RBFOX3: variants seen among roughly 807,000 people sequenced by gnomAD.
RBFOX3 encodes the protein RNA binding fox-1 homolog 3, also known as RNA binding protein fox-1 homolog 3.
RBFOX3 carries 17 observed loss-of-function variants against 48.7 expected under a neutral mutation model. The observed-to-expected ratio is 0.35, with a 90% CI of 0.24 to 0.52. RBFOX3 has a LOEUF of 0.52. Ranked by LOEUF, RBFOX3 falls within the 20% of genes least tolerant of loss-of-function variation. RBFOX3 has a pLI of 0.94. For missense variants in RBFOX3, 382 were observed against 497.5 expected, an observed-to-expected ratio of 0.77 and a Z score of 2.21; for synonymous variants, 212 against 209.5, an observed-to-expected ratio of 1.01 and a Z score of -0.10.
At chr17:79,375,195 T>C (rs2059068771) in intron 2 of RBFOX3, among the ~76,000 whole-genome samples, 1 of 152,154 alleles carries the variant, frequency 6.6e-6, no homozygotes, top group Admixed American at 6.5e-5. Flanking sequence ...TCCAGGAGAT[T>C]CCAGAGAAGA....
chr17:79,177,689 G>A (rs922617928), intron 4 of RBFOX3, among the ~76,000 whole-genome samples: 8 of 152,194 alleles, frequency 5.3e-5, no homozygotes, highest in African/African-American at 1.7e-4. Context: ...AGGTGGACCC[G>A]CTTCCTAGAC....
intron 2 of RBFOX3, among the ~76,000 whole-genome samples, chr17:79,332,874 CAG>C (rs2080590719): frequency 7.7e-6 from 1 of 130,174 alleles, no homozygotes; most frequent in African/African-American, 2.9e-5. Flanking sequence ...GACAGAAAAA[CAG>C]AGATGGGGAG....
At position 79,096,614 on chromosome 17, in the gene RBFOX3, G is replaced by C. The variant is rs1408814707; in HGVS notation, c.936+39C>G. On this transcript the variant is annotated intron_variant, in intron 12 of 14. Coordinates refer to ENST00000693108, the MANE Select transcript of RBFOX3 (RefSeq NM_001350451.2). ...GACTTCTCATTGAGACCCACAGAACGCCTGATCCCACCCTCCCTCCCGGCG... is the reference window on the plus strand; with the variant it reads ...GACTTCTCATTGAGACCCACAGAACCCCTGATCCCACCCTCCCTCCCGGCG... 4.0e-6 allele frequency: 6 copies of C among 1,504,340 alleles called. No individual in the cohort carries two copies. The South Asian group carries it at 6.0e-5, about 15-fold the overall frequency. 93.2% of individuals were successfully genotyped at this position (1,504,340 alleles called of 1,614,324 possible).
At position 79,111,894 on chromosome 17, in the gene RBFOX3, G is replaced by T. The variant is rs1180412671; in HGVS notation, c.222+3600C>A. Among the ~76,000 whole-genome samples, 1 of 152,220 alleles carries T rather than the reference G, an allele frequency of 6.6e-6. No homozygotes were observed. The highest frequency in any genetic ancestry group is 2.4e-5 in the African/African-American group (1 of 41,456). ...CAAGGTAGTGAGATGGGGTCCCCCGGTCCTTCCGCAGCCCCTCATCGCACT... is the reference window on the plus strand; with the variant it reads ...CAAGGTAGTGAGATGGGGTCCCCCGTTCCTTCCGCAGCCCCTCATCGCACT... On this transcript the variant is annotated intron_variant, in intron 5 of 14. Transcript: ENST00000693108. The surrounding 1 kb of genome is among the most constrained non-coding windows in gnomAD (Gnocchi z 4.2).
chr17:79,405,257 C>T (rs369055531), intron 2 of RBFOX3, among the ~76,000 whole-genome samples: 45 of 152,304 alleles, frequency 3.0e-4, no homozygotes, highest in African/African-American at 1.0e-3. Flanking sequence ...CCACACGCTG[C>T]ATCACACATC....
chr17:79,388,991 A>G (rs1399901174), intron 2 of RBFOX3, among the ~76,000 whole-genome samples: 3 of 152,220 alleles, frequency 2.0e-5, no homozygotes, highest in East Asian at 1.9e-4. Flanking sequence ...GCCTCCTGCA[A>G]TAAGCATTTC....
the RBFOX3 span, among the ~76,000 whole-genome samples, chr17:79,660,289 G>C: frequency 6.6e-6 from 1 of 152,116 alleles, no homozygotes; most frequent in Non-Finnish European, 1.5e-5. Context: ...CGCAACACAA[G>C]CAAAAATTGA....
At chr17:79,549,910 A>C (rs80071684) in intron 1 of RBFOX3, among the ~76,000 whole-genome samples, 4,647 of 152,254 alleles carry the variant, frequency 0.031, 156 homozygotes, top group East Asian at 0.17. Context: ...TTACCTAAAA[A>C]ACCTTCATGT....
chr17:79,255,015 T>C (rs919103588), intron 3 of RBFOX3, among the ~76,000 whole-genome samples: 2 of 152,156 alleles, frequency 1.3e-5, no homozygotes, highest in Non-Finnish European at 2.9e-5. Flanking sequence ...GCAGGCAGCT[T>C]GTCCTTGGGA....
chr17:79,356,242 C>T (rs141564235), intron 2 of RBFOX3, among the ~76,000 whole-genome samples: 60 of 152,102 alleles, frequency 3.9e-4, no homozygotes, highest in African/African-American at 1.4e-3. Context: ...CTTGCAGACC[C>T]TCCTGCAGAC....
chr17:79,469,886 G>A (rs1555755941), intron 2 of RBFOX3, among the ~76,000 whole-genome samples: 1 of 152,146 alleles, frequency 6.6e-6, no homozygotes, highest in African/African-American at 2.4e-5. Context: ...AAGGGAGAAC[G>A]TGCATGATGG....
intron 5 of RBFOX3, among the ~76,000 whole-genome samples, chr17:79,110,255 T>C (rs369233830): frequency 7.8e-4 from 118 of 152,050 alleles, no homozygotes; most frequent in African/African-American, 2.8e-3. Context: ...CCCAGCTCTG[T>C]CTTGGCCCGG....
intron 2 of RBFOX3, among the ~76,000 whole-genome samples, chr17:79,416,602 GGCCAATCCCAGTA>G (rs1451759388): frequency 2.6e-5 from 4 of 152,234 alleles, no homozygotes; most frequent in Non-Finnish European, 4.4e-5. Flanking sequence ...TGAACCCTGG[GGCCAATCCCAGTA>G]GCCTCCTGTG....
intron 1 of RBFOX3, among the ~76,000 whole-genome samples, chr17:79,519,473 G>A (rs966573091): frequency 1.1e-3 from 171 of 152,320 alleles, no homozygotes; most frequent in African/African-American, 3.8e-3. Context: ...CCTCAAGAGG[G>A]AGGAGGCCAC....
intron 4 of RBFOX3, among the ~76,000 whole-genome samples, chr17:79,175,901 C>T (rs1283649037): frequency 2.0e-5 from 3 of 152,218 alleles, no homozygotes; most frequent in African/African-American, 7.2e-5. Context: ...AAGGGCAAGA[C>T]GGCTGGTGGA....
At chr17:79,100,787 C>T (rs1213853870) in intron 9 of RBFOX3, among the ~76,000 whole-genome samples, 4 of 152,328 alleles carry the variant, frequency 2.6e-5, no homozygotes, top group East Asian at 1.9e-4. Context: ...AGTTAAGACT[C>T]GCAGTGGCCA....
chr17:79,455,922 A>C (rs1326684736), intron 2 of RBFOX3, among the ~76,000 whole-genome samples: 2 of 152,084 alleles, frequency 1.3e-5, no homozygotes, highest in African/African-American at 2.4e-5. Flanking sequence ...TGCACTAACC[A>C]GGTCCCACCG....
At chr17:79,485,657 AT>A (rs2079470982) in intron 1 of RBFOX3, among the ~76,000 whole-genome samples, 1 of 152,036 alleles carries the variant, frequency 6.6e-6, no homozygotes, top group African/African-American at 2.4e-5. Flanking sequence ...TTTCATTTTC[AT>A]TTTAACTGGT....
chr17:79,422,784 G>T (rs1369848648), intron 2 of RBFOX3, among the ~76,000 whole-genome samples: 2 of 152,150 alleles, frequency 1.3e-5, no homozygotes, highest in African/African-American at 4.8e-5. Flanking sequence ...CTGTGTAGCT[G>T]CATTTGGAGG....
Sources: allele counts gnomAD v4.1 joint callset (sites outside exome capture counted in the v4.1 genomes callset), GRCh38; gene constraint gnomAD v4.1.1; non-coding constraint Gnocchi (gnomAD v3.1); transcripts MANE v1.5; gene names NCBI Gene and HGNC (gene_info 2026-07-23, HGNC 2026-07-21).